The following NRG3 variants were observed in gnomAD, a reference collection of about 807,000 sequenced individuals.
NRG3 encodes the protein pro-neuregulin-3, membrane-bound isoform.
In NRG3, 31 loss-of-function variants were observed where a neutral mutation model predicts 66.9. The observed-to-expected ratio is 0.46, with a 90% CI of 0.35 to 0.63. The LOEUF is 0.63. Among genes scored for constraint, NRG3 ranks in the 20% least tolerant of loss-of-function variants. The pLI, the probability that NRG3 is intolerant of heterozygous loss-of-function variation, is 0.00. For synonymous variants in NRG3, 393 were observed against 359.4 expected (o/e 1.09, Z -1.06); for missense variants, 910 against 878.9 (o/e 1.04, Z -0.45).
At chr10:82,965,270 T>C (rs1026153420) in intron 6 of NRG3, among the ~76,000 whole-genome samples, 11 of 152,128 alleles carry the variant, frequency 7.2e-5, no homozygotes, top group Non-Finnish European at 2.9e-5. Flanking sequence ...GGAAATAACA[T>C]AGAATCAACT....
At chr10:82,078,983 GTA>G (rs1244707344) in intron 1 of NRG3, among the ~76,000 whole-genome samples, 2 of 152,194 alleles carry the variant, frequency 1.3e-5, no homozygotes, top group East Asian at 3.9e-4. Context: ...GCAGATGTGT[GTA>G]TATGTGTGTT....
chr10:82,107,728 G>T (rs1440244238), intron 1 of NRG3, among the ~76,000 whole-genome samples: 1 of 152,114 alleles, frequency 6.6e-6, no homozygotes, highest in Non-Finnish European at 1.5e-5. Context: ...CTCTTTTTCT[G>T]TAAAGCCATC....
At chr10:82,016,433 A>G (rs1017360407) in intron 1 of NRG3, among the ~76,000 whole-genome samples, 3 of 152,108 alleles carry the variant, frequency 2.0e-5, no homozygotes, top group Non-Finnish European at 4.4e-5. Flanking sequence ...GGCAGTAAGC[A>G]TGCGAGATGT....
intron 2 of NRG3, among the ~76,000 whole-genome samples, chr10:82,377,420 ATG>A (rs1001005664): frequency 1.5e-4 from 21 of 142,012 alleles, no homozygotes; most frequent in East Asian, 6.3e-4. Flanking sequence ...AGAGAGGTGT[ATG>A]TGTGTGTGTG....
chr10:82,410,995 A>G (rs931290927), intron 2 of NRG3, among the ~76,000 whole-genome samples: 2 of 152,152 alleles, frequency 1.3e-5, no homozygotes, highest in Non-Finnish European at 2.9e-5. Context: ...TGTATTTCAA[A>G]GAATTTACAC....
intron 4 of NRG3, among the ~76,000 whole-genome samples, chr10:82,927,847 G>T (rs562090114): frequency 6.6e-6 from 1 of 152,088 alleles, no homozygotes; most frequent in Non-Finnish European, 1.5e-5. Flanking sequence ...ATAATCCTTT[G>T]GCTATATACC....
chr10:82,412,662 T>A (rs901328177), intron 2 of NRG3, among the ~76,000 whole-genome samples: 1 of 152,194 alleles, frequency 6.6e-6, no homozygotes, highest in African/African-American at 2.4e-5. Flanking sequence ...CTCTGTAGCA[T>A]GTGATGTTGC....
At chr10:81,963,384 C>CG (rs1221433837) in intron 1 of NRG3, among the ~76,000 whole-genome samples, 4 of 150,372 alleles carry the variant, frequency 2.7e-5, no homozygotes, top group African/African-American at 9.8e-5. Flanking sequence ...CCGCCCGCCT[C>CG]GGCCTCCCAA....
chr10:82,749,103 G>A, intron 3 of NRG3, among the ~76,000 whole-genome samples: 1 of 152,082 alleles, frequency 6.6e-6, no homozygotes, highest in East Asian at 1.9e-4. Flanking sequence ...TTGAGGGCTT[G>A]GAGAGAGGAG....
At chr10:81,954,239 G>A (rs1375950608) in intron 1 of NRG3, among the ~76,000 whole-genome samples, 1 of 152,158 alleles carries the variant, frequency 6.6e-6, no homozygotes, top group Non-Finnish European at 1.5e-5. Context: ...TGCTGCTAAT[G>A]TCTATTTTTC....
chr10:82,972,228 C>T lies in NRG3; in HGVS notation c.1285-1560C>T, dbSNP rs879697773. On this transcript the variant is annotated intron_variant, in intron 6 of 8. Transcript: ENST00000372141. Reference sequence around the variant, plus strand: ...TTCTAGTGCTGTCTAATTTCTAATACTTAAATATATATATTTTGTTCATCA... The same window carrying T: ...TTCTAGTGCTGTCTAATTTCTAATATTTAAATATATATATTTTGTTCATCA... 9.9e-5 allele frequency among the ~76,000 whole-genome samples: 15 copies of T among 152,146 alleles called. No homozygotes were observed. In the East Asian group the frequency reaches 2.9e-3, roughly 29 times the overall value.
chr10:82,894,461 A>G (rs1843457031), intron 4 of NRG3, among the ~76,000 whole-genome samples: 1 of 152,220 alleles, frequency 6.6e-6, no homozygotes, highest in South Asian at 2.1e-4. Flanking sequence ...AAATCTACAT[A>G]TAAACCAATT....
At chr10:82,936,111 A>G (rs1848042972) in intron 4 of NRG3, among the ~76,000 whole-genome samples, 1 of 152,194 alleles carries the variant, frequency 6.6e-6, no homozygotes, top group Non-Finnish European at 1.5e-5. Context: ...CTCACAGTGT[A>G]AATTTATGAA....
intron 1 of NRG3, among the ~76,000 whole-genome samples, chr10:82,170,691 T>G (rs1489807655): frequency 1.4e-5 from 2 of 140,126 alleles, no homozygotes; most frequent in Non-Finnish European, 3.1e-5. Flanking sequence ...TATATATATA[T>G]ATATATGTAA....
intron 6 of NRG3, among the ~76,000 whole-genome samples, chr10:82,962,732 G>T (rs994964615): frequency 6.6e-6 from 1 of 152,012 alleles, no homozygotes; most frequent in Non-Finnish European, 1.5e-5. Context: ...CCAGCTACTC[G>T]GGAGGTTGAG....
intron 3 of NRG3, among the ~76,000 whole-genome samples, chr10:82,804,391 A>G (rs2061187319): frequency 6.6e-6 from 1 of 152,214 alleles, no homozygotes; most frequent in South Asian, 2.1e-4. Flanking sequence ...GGCTTAATTA[A>G]GATGGAAAAG....
intron 3 of NRG3, among the ~76,000 whole-genome samples, chr10:82,739,305 G>A (rs1419938689): frequency 1.3e-5 from 2 of 152,230 alleles, no homozygotes; most frequent in East Asian, 3.9e-4. Flanking sequence ...CTAGTCAAAT[G>A]TGAAATGTTT....
chr10:82,684,286 C>A (rs149236647), intron 2 of NRG3, among the ~76,000 whole-genome samples: 2 of 152,284 alleles, frequency 1.3e-5, no homozygotes, highest in East Asian at 3.9e-4. Context: ...GAGATTCATA[C>A]TTCCATTTCT....
chr10:82,863,230 T>C (rs1230579322), intron 3 of NRG3, among the ~76,000 whole-genome samples: 1 of 152,132 alleles, frequency 6.6e-6, no homozygotes, highest in Non-Finnish European at 1.5e-5. Context: ...ATGGTGTATA[T>C]GTGCCACATT....
Sources: gnomAD v4.1 joint callset for allele counts (sites outside exome capture counted in the v4.1 genomes callset) on GRCh38, gnomAD v4.1.1 for gene constraint, MANE v1.5 for transcripts, NCBI Gene and HGNC (gene_info 2026-07-23, HGNC 2026-07-21) for gene names.